The following MAOB variants were observed in gnomAD, a reference collection of about 807,000 sequenced individuals.
MAOB encodes the protein amine oxidase [flavin-containing] B.
A neutral mutation model predicts 41.9 loss-of-function variants in MAOB; 15 were observed. The ratio of observed to expected loss-of-function variants is 0.36; its 90% CI spans 0.24 to 0.55. The LOEUF is 0.55. Among genes scored for constraint, MAOB ranks in the 20% least tolerant of loss-of-function variants. The pLI, the probability that MAOB is intolerant of heterozygous loss-of-function variation, is 0.86. For synonymous variants in MAOB, 167 were observed against 144.2 expected (o/e 1.16, Z -1.13); for missense variants, 345 against 398.7 (o/e 0.87, Z 1.15).
Position 43,793,451 on chromosome X carries a change from A to G in MAOB, c.896T>C (p.Val299Ala), listed in dbSNP as rs1014904448. ...VPLGSVIKCIVYYKEPFWRKK... is the reference protein window; with the variant it reads ...VPLGSVIKCIAYYKEPFWRKK... ...CCTCCAGAAAGGCTCTTTATAATAAACTATACACTTGATGACTGAACCCAA... is the reference window on the plus strand; with the variant it reads ...CCTCCAGAAAGGCTCTTTATAATAAGCTATACACTTGATGACTGAACCCAA... Residue 299 changes from valine (V) to alanine (A), a missense_variant, in exon 8 of 15, where the codon GTT (valine) becomes GCT (alanine). By Grantham distance (64) the Val-to-Ala change is moderately conservative. Coordinates refer to ENST00000378069, the MANE Select transcript of MAOB (RefSeq NM_000898.5). 8.3e-7 allele frequency: 1 copy of G among 1,204,089 alleles called. No individual in the cohort carries two copies. The highest frequency in any genetic ancestry group is 2.2e-5 in the Admixed American group (1 of 45,219).
chrX:43,800,508 CATTGATTTCATGACATA>C (rs1362935544), intron 5 of MAOB, among the ~76,000 whole-genome samples: 1 of 111,170 alleles, frequency 9.0e-6, no homozygotes, highest in Non-Finnish European at 1.9e-5. Context: ...TAATAACACG[CATTGATTTCATGACATA>C]AAAGGATTTT....
rs898712784 is a variant in MAOB, at chrX:43,801,493, A to G, written c.476+679T>C. ...ATTTCTCTTATTTTGTTTACCACAA[A>G]TTTACCACGTGCTTGAATGGGAACC... is the stretch of plus-strand genomic sequence containing the variant. On this transcript the variant is annotated intron_variant, in intron 5 of 14. Transcript: ENST00000378069. Among the ~76,000 whole-genome samples, 14 of 111,406 alleles carry G rather than the reference A, an allele frequency of 1.3e-4. No individual in the cohort carries two copies. In the Admixed American group the frequency reaches 1.3e-3, roughly 11 times the overall value.
rs770824796 is a variant in MAOB at position 43,806,028 on chromosome X, T to G, written c.280-2624A>C. ...ACAAATTTTTACAAAGTAACTTTGT[T>G]TTACAAAGTAATATTTGTTTTATAA... On this transcript the variant is annotated intron_variant, in intron 3 of 14. Transcript: ENST00000378069. Among the ~76,000 whole-genome samples, 4 of 112,654 alleles carry G rather than the reference T, an allele frequency of 3.6e-5. No homozygotes were observed. In the East Asian group the frequency reaches 1.1e-3, roughly 31 times the overall value.
intron 3 of MAOB, among the ~76,000 whole-genome samples, chrX:43,833,641 A>T (rs1463538437): frequency 9.0e-6 from 1 of 111,502 alleles, no homozygotes; most frequent in Non-Finnish European, 1.9e-5. Flanking sequence ...CCCTTAGTGA[A>T]TTTCACTATC....
chrX:43,792,470 T>C (rs1477127553), intron 8 of MAOB, among the ~76,000 whole-genome samples: 3 of 111,932 alleles, frequency 2.7e-5, no homozygotes, highest in East Asian at 2.8e-4. Context: ...ATCCAGAATC[T>C]ACAAGGAACT....
chrX:43,851,985 C>T (rs1286992197), intron 1 of MAOB, among the ~76,000 whole-genome samples: 1 of 111,728 alleles, frequency 9.0e-6, no homozygotes, highest in Admixed American at 9.5e-5. Context: ...TGTGCAAGGA[C>T]CAGAACCAAA....
At chrX:43,845,238 C>T (rs748106892) in intron 1 of MAOB, among the ~76,000 whole-genome samples, 1 of 111,339 alleles carries the variant, frequency 9.0e-6, no homozygotes. Flanking sequence ...TGCTCAGTTC[C>T]AATTACCTTC....
At chrX:43,865,710 A>T (rs952334673) in intron 1 of MAOB, among the ~76,000 whole-genome samples, 10 of 110,278 alleles carry the variant, frequency 9.1e-5, no homozygotes, top group African/African-American at 3.3e-4. Context: ...TGTTATACCC[A>T]TATTCCCTCC....
chrX:43,781,338 C>T (rs2034329276), intron 9 of MAOB, 110 bp downstream of exon 9: 1 of 358,425 alleles, frequency 2.8e-6, no homozygotes, highest in Admixed American at 5.9e-5. Context: ...AAAATAATAC[C>T]ACTGGGTAAA....
At position 43,805,501 on chromosome X, in the gene MAOB, C is replaced by T. The variant is rs1400053114; in HGVS notation, c.280-2097G>A. The stretch of plus-strand genomic sequence containing the variant: ...GCAACCACTGTTCAGTTTTCTGTCA[C>T]TTATAGATTGTTTTTGCCTGTTTTC... On this transcript the variant is annotated intron_variant, in intron 3 of 14. Coordinates refer to ENST00000378069, the MANE Select transcript of MAOB (RefSeq NM_000898.5). Among the ~76,000 whole-genome samples the T allele has an allele frequency of 2.7e-5, 3 of 111,647 alleles. No individual in the cohort carries two copies. The Admixed American group carries it at 2.9e-4, about 11-fold the overall frequency.
intron 3 of MAOB, among the ~76,000 whole-genome samples, chrX:43,829,071 G>C (rs1434363058): frequency 8.9e-6 from 1 of 111,912 alleles, no homozygotes; most frequent in African/African-American, 3.3e-5. Context: ...CTCATGGTTT[G>C]CACATGAGTA....
chrX:43,860,054 C>A (rs73625697), intron 1 of MAOB, among the ~76,000 whole-genome samples: 2 of 111,578 alleles, frequency 1.8e-5, no homozygotes, highest in African/African-American at 6.6e-5. Context: ...CATGCCTTCC[C>A]TCTTGACTCA....
chrX:43,859,731 T>C (rs188956333), intron 1 of MAOB, among the ~76,000 whole-genome samples: 1 of 112,107 alleles, frequency 8.9e-6, no homozygotes, highest in East Asian at 2.8e-4. Context: ...TCCTACATCA[T>C]CAATTTCTTC....
At chrX:43,805,521 G>A (rs937794798) in intron 3 of MAOB, among the ~76,000 whole-genome samples, 3 of 111,501 alleles carry the variant, frequency 2.7e-5, no homozygotes, top group Non-Finnish European at 5.6e-5. Context: ...GTTTTTGCCT[G>A]TTTTCACATT....
intron 3 of MAOB, among the ~76,000 whole-genome samples, chrX:43,820,631 C>T (rs2034869504): frequency 1.8e-5 from 2 of 112,059 alleles, no homozygotes; most frequent in African/African-American, 6.5e-5. Flanking sequence ...ATATTAGATA[C>T]CAGAGGTGAG....
At position 43,777,008 on chromosome X, in the gene MAOB, A is replaced by T. The variant is rs558717231; in HGVS notation, c.1137+1674T>A. ...CCACATTTTCTTAATCCAGTCTATC[A>T]TTGTTGGACATTTGGGTTGGTTTCA... is the stretch of plus-strand genomic sequence containing the variant. On this transcript the variant is annotated intron_variant, in intron 11 of 14. Coordinates refer to ENST00000378069, the MANE Select transcript of MAOB (RefSeq NM_000898.5). Among the ~76,000 whole-genome samples the T allele has an allele frequency of 3.5e-4, 39 of 110,562 alleles. No individual in the cohort carries two copies. The South Asian group carries it at 0.015, about 42-fold the overall frequency.
intron 1 of MAOB, among the ~76,000 whole-genome samples, chrX:43,880,550 G>A: frequency 8.9e-6 from 1 of 112,686 alleles, no homozygotes; most frequent in East Asian, 2.8e-4. Flanking sequence ...TTGGAAGGCT[G>A]CTTTCTTGGT....
intron 3 of MAOB, among the ~76,000 whole-genome samples, chrX:43,834,333 G>A (rs1189340650): frequency 8.9e-6 from 1 of 111,745 alleles, no homozygotes; most frequent in Non-Finnish European, 1.9e-5. Flanking sequence ...TCGGGGACAG[G>A]GGTGTGAAGA....
intron 8 of MAOB, among the ~76,000 whole-genome samples, chrX:43,786,265 A>C (rs2034396984): frequency 8.9e-6 from 1 of 112,075 alleles, no homozygotes; most frequent in Admixed American, 9.5e-5. Context: ...GAACAAAATT[A>C]TTGTGGAAGA....
Sources: gnomAD v4.1 joint callset for allele counts (sites outside exome capture counted in the v4.1 genomes callset) on GRCh38, gnomAD v4.1.1 for gene constraint, MANE v1.5 for transcripts, NCBI Gene and HGNC (gene_info 2026-07-23, HGNC 2026-07-21) for gene names.